Variants in DOCK7 observed in about 807,000 individuals in gnomAD.
The protein encoded by DOCK7 is dedicator of cytokinesis protein 7.
Under a neutral mutation model 271.0 loss-of-function variants are expected in DOCK7, and 138 were observed. The ratio of observed to expected loss-of-function variants is 0.51; its 90% CI spans 0.44 to 0.59. DOCK7 has a LOEUF of 0.59. Among genes scored for constraint, DOCK7 ranks in the 20% least tolerant of loss-of-function variants. DOCK7 has a pLI of 0.00. For missense variants in DOCK7, 2,066 were observed against 2,592.4 expected (o/e 0.80, Z 4.41); for synonymous variants, 823 against 876.1 (o/e 0.94, Z 1.07).
chr1:62,593,791 G>C (rs1426478461), intron 14 of DOCK7, among the ~76,000 whole-genome samples: 1 of 152,010 alleles, frequency 6.6e-6, no homozygotes, highest in Admixed American at 6.6e-5. Context: ...TTCTAACTGA[G>C]ATATGTTCTC....
intron 31 of DOCK7, among the ~76,000 whole-genome samples, chr1:62,524,953 A>ATATATATG (rs1325570197): frequency 7.5e-5 from 9 of 119,418 alleles, no homozygotes; most frequent in Admixed American, 7.2e-4. Flanking sequence ...ATATATATAT[A>ATATATATG]TATTACTATA....
At chr1:62,634,507 GA>G (rs1182835425) in intron 9 of DOCK7, 1 of 227,862 alleles carries the variant, frequency 4.4e-6, no homozygotes, top group Non-Finnish European at 8.4e-6. Flanking sequence ...TTCCTGATAT[GA>G]AAATGTATTT....
intron 37 of DOCK7, among the ~76,000 whole-genome samples, chr1:62,499,420 G>A (rs757821973): frequency 2.4e-4 from 36 of 152,140 alleles, no homozygotes; most frequent in Non-Finnish European, 4.6e-4. Context: ...TCAAAATGAG[G>A]AGTCAGATAT....
chr1:62,614,209 T>C (rs1289164082), intron 14 of DOCK7, among the ~76,000 whole-genome samples: 7 of 152,112 alleles, frequency 4.6e-5, no homozygotes, highest in African/African-American at 1.4e-4. Flanking sequence ...TATGGAACTT[T>C]CTGTAAATTA....
chr1:62,495,886 T>C (rs1646605563), intron 38 of DOCK7: 2 of 438,590 alleles, frequency 4.6e-6, no homozygotes, highest in Non-Finnish European at 7.9e-6. Context: ...GCAGACTATG[T>C]TTATTTTTGT....
chr1:62,605,813 G>C (rs1650906206), intron 14 of DOCK7: 1 of 151,980 alleles, frequency 6.6e-6, no homozygotes, highest in African/African-American at 2.4e-5. Flanking sequence ...ATTCTTGCAT[G>C]TTTATCGACA....
In DOCK7 at chr1:62,559,145, T is replaced by C. The variant is rs1264570583; in HGVS notation, c.2275A>G (p.Met759Val). The change falls in exon 20 of 50, where the codon ATG becomes GTG. Residue 759 changes from methionine (M) to valine (V), a missense_variant. Physicochemically the swap from Met to Val is conservative, Grantham distance 21. This residue lies in a region of DOCK7 where 1,414 missense variants were observed against 1,670.4 expected (regional missense o/e 0.85). Transcript: ENST00000635253. Reference protein sequence around the residue: ...EHLFPVRIGDMRIMENNLENE... With the variant: ...EHLFPVRIGDVRIMENNLENE... The stretch of plus-strand genomic sequence containing the variant: ...TCTAAGTTATTTTCCATGATTCGCA[T>C]GTCCCCAATTCGGACTGGGAACAGG... 1.2e-6 allele frequency: 2 copies of C among 1,613,758 alleles called. No homozygotes were observed. Among genetic ancestry groups the C allele is most frequent in the Admixed American group, 1.7e-5 (1 of 59,894 alleles).
intron 23 of DOCK7, among the ~76,000 whole-genome samples, 175 bp downstream of exon 23, chr1:62,544,772 G>A (rs1007302101): frequency 6.6e-6 from 1 of 152,084 alleles, no homozygotes; most frequent in Admixed American, 6.6e-5. Context: ...GAACATTACT[G>A]GTGCAATTGG....
chr1:62,481,476 T>A (rs1646125305), intron 43 of DOCK7: 1 of 152,094 alleles, frequency 6.6e-6, no homozygotes, highest in South Asian at 2.1e-4. Context: ...CAGGAAAAAC[T>A]CACTTCATCT....
At chr1:62,471,248 G>A (rs1214339212) in intron 48 of DOCK7, among the ~76,000 whole-genome samples, 1 of 152,030 alleles carries the variant, frequency 6.6e-6, no homozygotes, top group Non-Finnish European at 1.5e-5. Context: ...GGGTGGGGAG[G>A]GTCAAAAGTT....
At chr1:62,629,312 A>G (rs1456322758) in intron 11 of DOCK7, 1 of 152,246 alleles carries the variant, frequency 6.6e-6, no homozygotes, top group African/African-American at 2.4e-5. Context: ...ACTATGAAAC[A>G]TTATGCATAA....
In DOCK7 at chr1:62,604,666, A is replaced by G. The variant is rs1440300937; in HGVS notation, c.1682+14040T>C. ...TGGTGGCATGATGAGTGTGGAGAAA[A>G]CAACCTAAATGGTAAATATAACAAA... is the stretch of plus-strand genomic sequence containing the variant. On this transcript the variant is annotated intron_variant, in intron 14 of 49. Transcript: ENST00000635253. The G allele has an allele frequency of 9.3e-6, 15 of 1,613,158 alleles. No individual in the cohort carries two copies. The highest frequency in any genetic ancestry group is 1.1e-5 in the Non-Finnish European group (13 of 1,179,402).
intron 28 of DOCK7, 52 bp from the exon 29 acceptor site, chr1:62,535,684 C>T (rs1037927204): frequency 5.2e-6 from 8 of 1,545,000 alleles, no homozygotes; most frequent in Non-Finnish European, 7.0e-6. Context: ...AACAAAGCAT[C>T]CTACAGACAG....
intron 14 of DOCK7, among the ~76,000 whole-genome samples, chr1:62,587,658 G>C (rs918229551): frequency 2.0e-5 from 3 of 152,042 alleles, no homozygotes; most frequent in African/African-American, 7.2e-5. Context: ...TTAATAAGAA[G>C]GAATATCATG....
At chr1:62,556,014 C>T (rs377355068) in intron 20 of DOCK7, 25 bp from the exon 21 acceptor site, 41 of 1,606,466 alleles carry the variant, frequency 2.6e-5, no homozygotes, top group Admixed American at 6.9e-5. Context: ...GAAGTATTTA[C>T]CTTTGCTTTA....
chr1:62,561,188 T>A (rs961210186), intron 19 of DOCK7, among the ~76,000 whole-genome samples: 11 of 152,126 alleles, frequency 7.2e-5, no homozygotes, highest in African/African-American at 2.7e-4. Flanking sequence ...AGGAAAAGCA[T>A]TCCAGGCAGA....
intron 7 of DOCK7, among the ~76,000 whole-genome samples, chr1:62,642,469 A>C (rs1450228337): frequency 6.6e-6 from 1 of 151,996 alleles, no homozygotes; most frequent in Non-Finnish European, 1.5e-5. Context: ...TTATAGTTCC[A>C]CTTTCAAGCC....
chr1:62,509,489 A>G (rs1571340133), intron 34 of DOCK7, among the ~76,000 whole-genome samples: 1 of 152,130 alleles, frequency 6.6e-6, no homozygotes, highest in Non-Finnish European at 1.5e-5. Context: ...ATAAGCCAAG[A>G]GAACACATTC....
At chr1:62,564,721 T>C (rs1454560683) in intron 18 of DOCK7, among the ~76,000 whole-genome samples, 1 of 151,700 alleles carries the variant, frequency 6.6e-6, no homozygotes, top group Admixed American at 6.6e-5. Context: ...CTGAAGGAGA[T>C]AGAGTCATGA....
Sources: gnomAD v4.1 joint callset for allele counts (sites outside exome capture counted in the v4.1 genomes callset) on GRCh38, gnomAD v4.1.1 for gene constraint, gnomAD v4.1.1 regional missense constraint, MANE v1.5 for transcripts, NCBI Gene and HGNC (gene_info 2026-07-23, HGNC 2026-07-21) for gene names.